The following EXOC4 variants were observed in gnomAD, a reference collection of about 807,000 sequenced individuals.
EXOC4 encodes exocyst complex component 4.
In EXOC4, 71 loss-of-function variants were observed where a neutral mutation model predicts 107.2. That is an observed-to-expected ratio of 0.66 (90% CI 0.55 to 0.81). EXOC4 has a LOEUF of 0.81. Among genes scored for constraint, EXOC4 ranks in the 30% least tolerant of loss-of-function variants. The pLI, the probability that EXOC4 is intolerant of heterozygous loss-of-function variation, is 0.00. For missense variants in EXOC4, 1,108 were observed against 1,189.6 expected (o/e 0.93, Z 1.01); for synonymous variants, 456 against 441.2 (o/e 1.03, Z -0.42).
At chr7:133,588,833 C>T (rs752179177) in intron 9 of EXOC4, among the ~76,000 whole-genome samples, 9 of 152,114 alleles carry the variant, frequency 5.9e-5, no homozygotes, top group Non-Finnish European at 1.0e-4. Flanking sequence ...GCCAAGATCC[C>T]ACCATTGCAT....
intron 10 of EXOC4, among the ~76,000 whole-genome samples, chr7:133,762,077 A>G (rs1218718316): frequency 6.6e-6 from 1 of 152,184 alleles, no homozygotes; most frequent in African/African-American, 2.4e-5. Context: ...GTACTTGGTT[A>G]TAGGAGGAGG....
At chr7:133,853,261 C>A (rs1397752867) in intron 11 of EXOC4, among the ~76,000 whole-genome samples, 1 of 151,672 alleles carries the variant, frequency 6.6e-6, no homozygotes, top group Non-Finnish European at 1.5e-5. Context: ...CCATCTGTTT[C>A]TTTCTTTGTT....
At chr7:133,983,086 G>C (rs1414543081) in intron 14 of EXOC4, among the ~76,000 whole-genome samples, 1 of 151,796 alleles carries the variant, frequency 6.6e-6, no homozygotes, top group Non-Finnish European at 1.5e-5. Context: ...GAAGCTTCCA[G>C]TCATAGCAGA....
At chr7:133,874,304 T>C (rs2116410206) in intron 11 of EXOC4, among the ~76,000 whole-genome samples, 1 of 152,340 alleles carries the variant, frequency 6.6e-6, no homozygotes, top group South Asian at 2.1e-4. Flanking sequence ...GGAAAAGTCA[T>C]ATAAAGCAGT....
At chr7:133,688,686 T>G (rs1177927423) in intron 10 of EXOC4, among the ~76,000 whole-genome samples, 1 of 152,202 alleles carries the variant, frequency 6.6e-6, no homozygotes, top group Admixed American at 6.5e-5. Flanking sequence ...TTAGCTTGTC[T>G]GTCATTTTAA....
At chr7:133,685,256 A>G (rs1018474803) in intron 10 of EXOC4, among the ~76,000 whole-genome samples, 2 of 152,148 alleles carry the variant, frequency 1.3e-5, no homozygotes, top group Admixed American at 6.5e-5. Context: ...GGTGGAGGTC[A>G]TTTAATCATG....
At chr7:133,717,516 T>A (rs967399494) in intron 10 of EXOC4, among the ~76,000 whole-genome samples, 1 of 152,210 alleles carries the variant, frequency 6.6e-6, no homozygotes, top group Non-Finnish European at 1.5e-5. Flanking sequence ...TTTTTGAATA[T>A]ATTGTTTATA....
At chr7:133,617,223 A>G (rs1802214602) in intron 9 of EXOC4, among the ~76,000 whole-genome samples, 1 of 152,204 alleles carries the variant, frequency 6.6e-6, no homozygotes, top group African/African-American at 2.4e-5. Flanking sequence ...TAGGATTACA[A>G]GAAAATGGAC....
At chr7:133,945,293 G>A (rs1800524046) in intron 14 of EXOC4, among the ~76,000 whole-genome samples, 1 of 152,194 alleles carries the variant, frequency 6.6e-6, no homozygotes, top group African/African-American at 2.4e-5. Context: ...AACCAAGGTT[G>A]AGAACCACTG....
chr7:134,014,611 A>G (rs1794857030), intron 17 of EXOC4, among the ~76,000 whole-genome samples: 1 of 152,130 alleles, frequency 6.6e-6, no homozygotes, highest in Non-Finnish European at 1.5e-5. Context: ...TTATAGAGAT[A>G]GATTAGTAGG....
chr7:133,265,015 ATAACT>A (rs1314433833), intron 1 of EXOC4, among the ~76,000 whole-genome samples: 1 of 152,200 alleles, frequency 6.6e-6, no homozygotes, highest in Non-Finnish European at 1.5e-5. Flanking sequence ...AATAGATATA[ATAACT>A]TAATCTAATG....
In EXOC4 at chr7:133,397,394, A is replaced by G. The variant is rs905451712; in HGVS notation, c.1182+22392A>G. Among the ~76,000 whole-genome samples, 7 of 151,444 alleles carry G rather than the reference A, an allele frequency of 4.6e-5. No homozygotes were observed. In the South Asian group the frequency reaches 8.4e-4, roughly 18 times the overall value. On this transcript the variant is annotated intron_variant, in intron 7 of 17. Coordinates refer to ENST00000253861, the MANE Select transcript of EXOC4 (RefSeq NM_021807.4). ...GGTGGTCTGCCTGCGTCGGCCTCCCAAAGTGCTGGGATTACAGGTGTGAGC... is the reference window on the plus strand; with the variant it reads ...GGTGGTCTGCCTGCGTCGGCCTCCCGAAGTGCTGGGATTACAGGTGTGAGC...
intron 9 of EXOC4, among the ~76,000 whole-genome samples, chr7:133,561,749 G>A (rs769502018): frequency 2.0e-5 from 3 of 152,176 alleles, no homozygotes; most frequent in Non-Finnish European, 4.4e-5. Flanking sequence ...CCAAAGCTGT[G>A]CATGTTCTTT....
chr7:133,789,578 G>A (rs142191993), intron 10 of EXOC4, among the ~76,000 whole-genome samples: 473 of 152,254 alleles, frequency 3.1e-3, no homozygotes, highest in Non-Finnish European at 5.5e-3. Context: ...TTCTAGGCCC[G>A]TTGCTGATCC....
chr7:133,549,560 G>A (rs538971485), intron 9 of EXOC4, among the ~76,000 whole-genome samples: 1 of 152,140 alleles, frequency 6.6e-6, no homozygotes, highest in South Asian at 2.1e-4. Context: ...CACCAGGATA[G>A]ATATAATAAT....
intron 9 of EXOC4, among the ~76,000 whole-genome samples, chr7:133,533,559 G>A (rs1362450104): frequency 1.3e-5 from 2 of 152,002 alleles, no homozygotes; most frequent in Non-Finnish European, 2.9e-5. Context: ...TTTTAAAAAA[G>A]GGACATTGGT....
chr7:133,354,813 A>G (rs1795988377), intron 5 of EXOC4, among the ~76,000 whole-genome samples: 1 of 152,200 alleles, frequency 6.6e-6, no homozygotes, highest in Non-Finnish European at 1.5e-5. Context: ...TAAGAGCTGT[A>G]ATTGAAATCG....
chr7:133,451,787 G>T (rs1798353639), intron 7 of EXOC4, among the ~76,000 whole-genome samples: 1 of 152,096 alleles, frequency 6.6e-6, no homozygotes, highest in African/African-American at 2.4e-5. Flanking sequence ...AAGGTCTCCA[G>T]CATGATACTA....
At chr7:133,559,056 C>T (rs895728217) in intron 9 of EXOC4, among the ~76,000 whole-genome samples, 2 of 152,200 alleles carry the variant, frequency 1.3e-5, no homozygotes, top group African/African-American at 2.4e-5. Context: ...AAACTTTGAA[C>T]TTCCACTTTG....
Sources: allele counts gnomAD v4.1 joint callset (sites outside exome capture counted in the v4.1 genomes callset), GRCh38; gene constraint gnomAD v4.1.1; transcripts MANE v1.5; gene names NCBI Gene and HGNC (gene_info 2026-07-23, HGNC 2026-07-21).